Variants in MBNL3 observed in about 807,000 individuals in gnomAD.
The protein encoded by MBNL3 is muscleblind like splicing regulator 3.
MBNL3 carries 6 observed loss-of-function variants against 24.5 expected under a neutral mutation model. That is an observed-to-expected ratio of 0.25 (90% CI 0.13 to 0.48). The LOEUF (loss-of-function observed/expected upper bound fraction) is 0.48, where lower values mean the gene tolerates loss of function less well. Ranked by LOEUF, MBNL3 falls within the 20% of genes least tolerant of loss-of-function variation. The pLI is 0.99. For missense variants in MBNL3, 230 were observed against 293.5 expected (o/e 0.78, Z 1.58); for synonymous variants, 100 against 101.7 (o/e 0.98, Z 0.10).
At chrX:132,465,860 CACAA>C (rs1791437112) in intron 1 of MBNL3, among the ~76,000 whole-genome samples, 2 of 111,414 alleles carry the variant, frequency 1.8e-5, no homozygotes, top group African/African-American at 3.3e-5. Flanking sequence ...TCTTTTACCT[CACAA>C]ACAAACTCTA....
At position 132,392,246 on chromosome X, in the gene MBNL3, G is replaced by A. The variant is rs376049691; in HGVS notation, c.431C>T (p.Pro144Leu). Residue 144 changes from proline to leucine, a missense_variant, in exon 4 of 9, where the codon CCT (proline) becomes CTT (leucine). Pro to Leu is a moderately conservative substitution (Grantham distance 98). Transcript: ENST00000370853. Reference sequence around the variant, plus strand: ...AGGTGTATTTGGTACAAGTTCTGCAGGAACGAGGCCCATCCCAGGATGTGG... The same window carrying A: ...AGGTGTATTTGGTACAAGTTCTGCAAGAACGAGGCCCATCCCAGGATGTGG... ...YIPHPGMGLV[P>L]AELVPNTPVL... The A allele has an allele frequency of 4.1e-6, 5 of 1,208,266 alleles. No homozygotes were observed. In the African/African-American group the frequency reaches 5.3e-5, roughly 13 times the overall value.
intron 1 of MBNL3, among the ~76,000 whole-genome samples, chrX:132,451,935 C>CAG (rs1411439588): frequency 1.3e-4 from 15 of 111,762 alleles, no homozygotes; most frequent in African/African-American, 4.9e-4. Context: ...GTTCCCTGAC[C>CAG]CTTTGTGCTT....
chrX:132,456,333 A>G (rs955279919), intron 1 of MBNL3, among the ~76,000 whole-genome samples: 2 of 112,369 alleles, frequency 1.8e-5, no homozygotes, highest in Admixed American at 1.9e-4. Flanking sequence ...GGATTCACAA[A>G]TAACCACTAG....
chrX:132,397,578 T>C (rs866651691), intron 3 of MBNL3, among the ~76,000 whole-genome samples: 4 of 111,641 alleles, frequency 3.6e-5, no homozygotes, highest in African/African-American at 9.7e-5. Flanking sequence ...TAACAATTTG[T>C]TGACCCAATT....
chrX:132,461,444 G>C (rs1946625119), intron 1 of MBNL3, among the ~76,000 whole-genome samples: 1 of 111,170 alleles, frequency 9.0e-6, no homozygotes, highest in Admixed American at 9.6e-5. Flanking sequence ...TAGTATCAGA[G>C]AGGAAGTGCA....
chrX:132,396,807 C>T (rs1603147196), intron 3 of MBNL3, among the ~76,000 whole-genome samples: 1 of 21,640 alleles, frequency 4.6e-5, no homozygotes, highest in Non-Finnish European at 7.3e-5. Context: ...CATATATATT[C>T]ATATATACAT....
chrX:132,489,857 G>C (rs781552332), upstream of MBNL3: 35 of 111,378 alleles, frequency 3.1e-4, no homozygotes, highest in African/African-American at 1.1e-3. Context: ...ATGCGGCCAA[G>C]GGCCGCCCCG....
intron 2 of MBNL3, among the ~76,000 whole-genome samples, chrX:132,416,495 G>T (rs1279340262): frequency 3.6e-5 from 4 of 111,615 alleles, no homozygotes; most frequent in Admixed American, 1.9e-4. Flanking sequence ...CAATTACGTA[G>T]AAGGAATAAG....
chrX:132,402,141 A>G (rs1941038583), intron 3 of MBNL3, among the ~76,000 whole-genome samples: 1 of 111,536 alleles, frequency 9.0e-6, no homozygotes, highest in African/African-American at 3.3e-5. Flanking sequence ...TGCAACCTCA[A>G]ATGTGCTGAA....
chrX:132,413,691 C>A (rs1326768673), intron 2 of MBNL3: 1 of 871,353 alleles, frequency 1.1e-6, no homozygotes, highest in Admixed American at 4.1e-5. Context: ...CTGGCAGCCA[C>A]TCCACCTTCC....
chrX:132,417,940 A>G (rs1199351217), intron 2 of MBNL3, among the ~76,000 whole-genome samples: 1 of 111,862 alleles, frequency 8.9e-6, no homozygotes, highest in African/African-American at 3.3e-5. Context: ...CTAGACTATT[A>G]ATTTGGTTTT....
chrX:132,444,924 T>G (rs1239820084), intron 1 of MBNL3, among the ~76,000 whole-genome samples: 1 of 111,733 alleles, frequency 8.9e-6, no homozygotes, highest in Non-Finnish European at 1.9e-5. Context: ...TAGAGCTGTT[T>G]GCAAGGCCAC....
chrX:132,400,727 C>G (rs749200828), intron 3 of MBNL3, among the ~76,000 whole-genome samples: 10 of 111,504 alleles, frequency 9.0e-5, no homozygotes, highest in African/African-American at 3.3e-4. Context: ...CAGTAGGCTT[C>G]AGTTGATATA....
At chrX:132,393,570 C>G (rs111814703) in intron 3 of MBNL3, among the ~76,000 whole-genome samples, 320 of 111,239 alleles carry the variant, frequency 2.9e-3, no homozygotes, top group African/African-American at 9.7e-3. Context: ...TGATAGTTCT[C>G]ATCTCCCCTA....
chrX:132,387,871 G>A (rs143546582), intron 5 of MBNL3, among the ~76,000 whole-genome samples: 34 of 111,987 alleles, frequency 3.0e-4, no homozygotes, highest in African/African-American at 9.1e-4. Context: ...ATCCTTTCAT[G>A]TCTACAGTTC....
chrX:132,381,026 A>T (rs963391432), intron 8 of MBNL3, among the ~76,000 whole-genome samples: 10 of 111,974 alleles, frequency 8.9e-5, no homozygotes. Context: ...TTCAAAAAAA[A>T]AATGAAGCTA....
At chrX:132,405,111 T>C (rs1164174354) in intron 3 of MBNL3, among the ~76,000 whole-genome samples, 1 of 112,048 alleles carries the variant, frequency 8.9e-6, no homozygotes, top group Non-Finnish European at 1.9e-5. Context: ...TATGAACAGA[T>C]ATAGCTTAAT....
At chrX:132,472,046 C>A (rs1464062531) in intron 1 of MBNL3, among the ~76,000 whole-genome samples, 1 of 112,356 alleles carries the variant, frequency 8.9e-6, no homozygotes, top group Non-Finnish European at 1.9e-5. Context: ...GTATACTGAA[C>A]TTTTCTCCAT....
At chrX:132,387,957 T>G (rs1388135947) in intron 5 of MBNL3, among the ~76,000 whole-genome samples, 1 of 111,800 alleles carries the variant, frequency 8.9e-6, no homozygotes, top group Non-Finnish European at 1.9e-5. Flanking sequence ...AGTTTAACAT[T>G]ACTTTACATT....
Sources: gnomAD v4.1 joint callset for allele counts (sites outside exome capture counted in the v4.1 genomes callset) on GRCh38, gnomAD v4.1.1 for gene constraint, MANE v1.5 for transcripts, NCBI Gene and HGNC (gene_info 2026-07-23, HGNC 2026-07-21) for gene names.